Variants in PIBF1 observed in about 807,000 individuals in gnomAD.
The protein encoded by PIBF1 is progesterone-induced-blocking factor 1.
In PIBF1, 90 loss-of-function variants were observed where a neutral mutation model predicts 112.5. The observed-to-expected ratio is 0.80, with a 90% CI of 0.67 to 0.95. PIBF1 has a LOEUF of 0.95. Ranked by LOEUF, PIBF1 falls within the 40% of genes least tolerant of loss-of-function variation. The pLI is 0.00. For synonymous variants in PIBF1, 301 were observed against 288.6 expected, an observed-to-expected ratio of 1.04 and a Z score of -0.44; for missense variants, 915 against 852.3, an observed-to-expected ratio of 1.07 and a Z score of -0.92.
chr13:72,854,356 T>C (rs2038315915), intron 10 of PIBF1, among the ~76,000 whole-genome samples: 1 of 152,264 alleles, frequency 6.6e-6, no homozygotes, highest in Non-Finnish European at 1.5e-5. Context: ...GCTTTATTTT[T>C]ACAATATACA....
Position 72,834,559 on chromosome 13 carries a change from C to T in PIBF1, c.1098-684C>T, listed in dbSNP as rs547038751. ...GGAAGATGGCTTGAGCCCAGGAGTT[C>T]GGGGTTACATGATTGTGCCACTGTA... is the stretch of plus-strand genomic sequence containing the variant. On this transcript the variant is annotated intron_variant, in intron 8 of 17. Transcript: ENST00000326291. 1.9e-4 allele frequency among the ~76,000 whole-genome samples: 29 copies of T among 152,052 alleles called. No homozygotes were observed. The East Asian group carries it at 3.7e-3, about 19-fold the overall frequency.
At chr13:72,803,652 T>G (rs932010311) in intron 5 of PIBF1, among the ~76,000 whole-genome samples, 3 of 152,206 alleles carry the variant, frequency 2.0e-5, no homozygotes, top group African/African-American at 4.8e-5. Context: ...TCTTAATAGC[T>G]AGAGTTTTAA....
intron 9 of PIBF1, among the ~76,000 whole-genome samples, chr13:72,846,824 T>C (rs2037898115): frequency 6.6e-6 from 1 of 152,208 alleles, no homozygotes; most frequent in African/African-American, 2.4e-5. Context: ...TAGAATGTGA[T>C]CTCCATGAGA....
chr13:72,863,297 C>G (rs2038775176), intron 10 of PIBF1, among the ~76,000 whole-genome samples: 1 of 152,036 alleles, frequency 6.6e-6, no homozygotes, highest in African/African-American at 2.4e-5. Flanking sequence ...GACAAACACA[C>G]CATGTATATA....
chr13:72,987,140 G>A (rs1003899959), intron 16 of PIBF1, among the ~76,000 whole-genome samples: 16 of 152,164 alleles, frequency 1.1e-4, no homozygotes, highest in Non-Finnish European at 1.8e-4. Flanking sequence ...TAAGAGAGAT[G>A]AATGAAACTG....
intron 16 of PIBF1, among the ~76,000 whole-genome samples, chr13:72,990,745 G>A (rs1436134568): frequency 6.6e-6 from 1 of 151,524 alleles, no homozygotes; most frequent in Admixed American, 6.6e-5. Flanking sequence ...CTACTCAGGA[G>A]ACTGAGGTAG....
intron 14 of PIBF1, among the ~76,000 whole-genome samples, chr13:72,947,043 G>T (rs572965154): frequency 6.6e-6 from 1 of 152,186 alleles, no homozygotes; most frequent in African/African-American, 2.4e-5. Flanking sequence ...TTTCCCTTCC[G>T]CACTGCCCTA....
chr13:72,858,641 G>T lies in PIBF1; in HGVS notation c.1322+4486G>T, dbSNP rs2038552759. ...TGGTTGGTGGACAGATAGAGATTTTGTACCTCATAAATATGTACCCTCTTT... is the reference window on the plus strand; with the variant it reads ...TGGTTGGTGGACAGATAGAGATTTTTTACCTCATAAATATGTACCCTCTTT... On this transcript the variant is annotated intron_variant, in intron 10 of 17. Transcript: ENST00000326291. Among the ~76,000 whole-genome samples, 3 of 152,124 alleles carry T rather than the reference G, an allele frequency of 2.0e-5. No individual in the cohort carries two copies. In the South Asian group the frequency reaches 6.2e-4, roughly 31 times the overall value.
intron 14 of PIBF1, among the ~76,000 whole-genome samples, chr13:72,955,494 G>GT (rs1187333033): frequency 6.6e-6 from 1 of 151,822 alleles, no homozygotes. Context: ...AACAAATAAG[G>GT]TAATTGTTTA....
intron 14 of PIBF1, among the ~76,000 whole-genome samples, chr13:72,947,556 A>C (rs1275941535): frequency 6.6e-6 from 1 of 152,188 alleles, no homozygotes; most frequent in African/African-American, 2.4e-5. Flanking sequence ...TTTCTTTTCT[A>C]TCATATTGGC....
At chr13:72,825,636 A>G (rs2036771822) in intron 6 of PIBF1, among the ~76,000 whole-genome samples, 1 of 152,224 alleles carries the variant, frequency 6.6e-6, no homozygotes, top group Non-Finnish European at 1.5e-5. Flanking sequence ...CCCATTCTCC[A>G]CATATACCGT....
intron 10 of PIBF1, among the ~76,000 whole-genome samples, chr13:72,868,657 G>T (rs4885048): frequency 0.6 from 90,617 of 151,718 alleles, 27,702 homozygotes; most frequent in East Asian, 0.76. Flanking sequence ...TTGGTATCCA[G>T]TATAACCAAT....
intron 15 of PIBF1, among the ~76,000 whole-genome samples, chr13:72,969,039 AT>A (rs1228624162): frequency 1.3e-5 from 2 of 151,504 alleles, no homozygotes; most frequent in African/African-American, 4.9e-5. Flanking sequence ...CAAAAAAAAA[AT>A]AAAAATAAAA....
rs568854097 is a variant in PIBF1 at position 72,843,600 on chromosome 13, C to T, written c.1223+8232C>T. Among the ~76,000 whole-genome samples the T allele has an allele frequency of 4.6e-5, 7 of 152,222 alleles. No homozygotes were observed. In the South Asian group the frequency reaches 6.2e-4, roughly 14 times the overall value. On this transcript the variant is annotated intron_variant, in intron 9 of 17. Transcript: ENST00000326291. ...CTAATTTTTGTACTTTTAGTAGAGA[C>T]GGGGTTTCGCCATGTTGGTCAGGCT...
chr13:72,785,860 A>G (rs531779419), intron 2 of PIBF1, among the ~76,000 whole-genome samples: 3 of 152,244 alleles, frequency 2.0e-5, no homozygotes, highest in South Asian at 2.1e-4. Context: ...TTTGTTTTCA[A>G]CTTGCATTGT....
intron 5 of PIBF1, among the ~76,000 whole-genome samples, chr13:72,819,778 T>G (rs914056341): frequency 1.3e-5 from 2 of 152,118 alleles, no homozygotes; most frequent in African/African-American, 4.8e-5. Context: ...GCTAAATACT[T>G]TAAAGGCTTT....
chr13:72,907,029 C>A (rs2040726693), intron 11 of PIBF1, among the ~76,000 whole-genome samples: 1 of 152,044 alleles, frequency 6.6e-6, no homozygotes, highest in South Asian at 2.1e-4. Context: ...TTCTAGAAAA[C>A]ACATTCCCAA....
intron 14 of PIBF1, among the ~76,000 whole-genome samples, chr13:72,959,798 A>G (rs1472288532): frequency 1.3e-5 from 2 of 152,236 alleles, no homozygotes; most frequent in Non-Finnish European, 2.9e-5. Flanking sequence ...CAAAGGAAGA[A>G]TAACACTTCT....
At chr13:72,997,022 C>T (rs1227645954) in intron 16 of PIBF1, among the ~76,000 whole-genome samples, 1 of 152,092 alleles carries the variant, frequency 6.6e-6, no homozygotes. Context: ...TGACAACACC[C>T]CAAACTGGGG....
Sources: gnomAD v4.1 joint callset for allele counts (sites outside exome capture counted in the v4.1 genomes callset) on GRCh38, gnomAD v4.1.1 for gene constraint, MANE v1.5 for transcripts, NCBI Gene and HGNC (gene_info 2026-07-23, HGNC 2026-07-21) for gene names.